Variants in MALRD1 observed in about 807,000 individuals in gnomAD.
MALRD1 encodes MAM and LDL-receptor class A domain-containing protein 1.
Under a neutral mutation model 242.1 loss-of-function variants are expected in MALRD1, and 247 were observed. That is an observed-to-expected ratio of 1.02 (90% confidence interval 0.92 to 1.13). The LOEUF (loss-of-function observed/expected upper bound fraction) is 1.13. MALRD1 is among the 50% of genes most tolerant of loss of function. The probability of loss-of-function intolerance (pLI) is 0.00; values close to 1 mark genes in which losing one functional copy is unlikely to be tolerated. For missense variants in MALRD1, 2,989 were observed against 2,533.1 expected (o/e 1.18, Z -3.86); for synonymous variants, 995 against 866.6 (o/e 1.15, Z -2.60).
intron 31 of MALRD1, among the ~76,000 whole-genome samples, chr10:19,525,183 G>C (rs185355829): frequency 1.0e-3 from 152 of 151,534 alleles, no homozygotes; most frequent in Middle Eastern, 6.8e-3. Context: ...CCAAAGTGCT[G>C]AGATTACAGG....
chr10:19,355,304 C>A (rs1226324187), intron 26 of MALRD1, among the ~76,000 whole-genome samples: 1 of 151,526 alleles, frequency 6.6e-6, no homozygotes. Flanking sequence ...AATTTTTTCT[C>A]AAAATGAACC....
chr10:19,559,166 G>A (rs920960172), intron 32 of MALRD1, among the ~76,000 whole-genome samples: 2 of 151,856 alleles, frequency 1.3e-5, no homozygotes, highest in Non-Finnish European at 2.9e-5. Flanking sequence ...CTGGGTGACA[G>A]AACAAGACTC....
intron 14 of MALRD1, among the ~76,000 whole-genome samples, chr10:19,193,756 T>G (rs1360556495): frequency 1.3e-5 from 2 of 152,034 alleles, no homozygotes; most frequent in African/African-American, 4.8e-5. Context: ...GCTTAAAATA[T>G]TCATATTTTG....
At chr10:19,297,848 T>C (rs1841778011) in intron 21 of MALRD1, among the ~76,000 whole-genome samples, 1 of 151,852 alleles carries the variant, frequency 6.6e-6, no homozygotes, top group Non-Finnish European at 1.5e-5. Flanking sequence ...AAAGGCATTA[T>C]GGGAAAGGTA....
chr10:19,508,657 G>A (rs1833255989), intron 31 of MALRD1, among the ~76,000 whole-genome samples: 1 of 152,106 alleles, frequency 6.6e-6, no homozygotes, highest in Non-Finnish European at 1.5e-5. Flanking sequence ...TATTATACTA[G>A]GAGGTTGTAT....
chr10:19,301,672 T>C (rs1841955562), intron 21 of MALRD1, among the ~76,000 whole-genome samples: 1 of 151,630 alleles, frequency 6.6e-6, no homozygotes, highest in African/African-American at 2.4e-5. Flanking sequence ...TGAGTACACA[T>C]GGACACAAAG....
rs138011129 is a variant in MALRD1, at chr10:19,674,678, A to G, written c.6138-17604A>G. ...ACATTTGAAAGGAAAAATTTTTCAG[A>G]CTTCCTATGAAAAGAGGAGAAAAAT... On this transcript the variant is annotated intron_variant, in intron 36 of 39. Transcript: ENST00000454679. Among the ~76,000 whole-genome samples the G allele has an allele frequency of 1.9e-3, 295 of 152,320 alleles. 1 individual carries two copies. Among genetic ancestry groups the G allele is most frequent in the Middle Eastern group, 0.01 (3 of 294 alleles).
At chr10:19,528,506 C>T (rs1226065525) in intron 31 of MALRD1, among the ~76,000 whole-genome samples, 1 of 152,050 alleles carries the variant, frequency 6.6e-6, no homozygotes, top group African/African-American at 2.4e-5. Context: ...GGCAGGAGAA[C>T]CGCTTGAACC....
chr10:19,687,425 C>T (rs1399241917), intron 36 of MALRD1, among the ~76,000 whole-genome samples: 1 of 152,138 alleles, frequency 6.6e-6, no homozygotes, highest in Non-Finnish European at 1.5e-5. Context: ...ACCCACCCAC[C>T]AACCCACTTA....
chr10:19,171,794 A>T (rs1235323369), intron 13 of MALRD1, among the ~76,000 whole-genome samples: 2 of 144,462 alleles, frequency 1.4e-5, no homozygotes, highest in Non-Finnish European at 3.0e-5. Context: ...ATATATACAT[A>T]TATGTGTATA....
At chr10:19,605,135 T>C (rs1435855484) in intron 34 of MALRD1, among the ~76,000 whole-genome samples, 1 of 150,508 alleles carries the variant, frequency 6.6e-6, no homozygotes, top group Admixed American at 6.7e-5. Flanking sequence ...TACCATTTGA[T>C]TACAGATTTA....
intron 24 of MALRD1, among the ~76,000 whole-genome samples, chr10:19,340,389 G>T (rs1209757958): frequency 1.3e-5 from 2 of 149,990 alleles, no homozygotes; most frequent in African/African-American, 4.9e-5. Context: ...AAGGTTCTGT[G>T]ATTCGGGTTG....
In MALRD1 at chr10:19,352,221, T is replaced by C; in HGVS notation, c.4365T>C (p.Asp1455=). Residue 1455 remains aspartate (D), a synonymous_variant, in exon 26 of 40, where the codon GAT becomes GAC. Transcript: ENST00000454679. ...GTCAGCGTGGAGACATTGCACTTGA[T>C]GACATTGTGCTTACAGAAAATTGTC... is the stretch of plus-strand genomic sequence containing the variant. ...GKGQRGDIAL[D]DIVLTENCLS... The C allele has an allele frequency of 1.3e-6, 2 of 1,550,448 alleles. No homozygotes were observed. The highest frequency in any genetic ancestry group is 1.7e-6 in the Non-Finnish European group (2 of 1,146,896).
At chr10:19,132,252 G>A (rs1360244989) in intron 8 of MALRD1, among the ~76,000 whole-genome samples, 3 of 152,214 alleles carry the variant, frequency 2.0e-5, no homozygotes, top group African/African-American at 7.2e-5. Flanking sequence ...AAGCATCTGT[G>A]TAGGGTGATG....
rs112316597 is a variant in MALRD1, at chr10:19,082,293, T to A, written c.341-5547T>A. Among the ~76,000 whole-genome samples the A allele has an allele frequency of 5.6e-3, 849 of 151,968 alleles. 14 individuals carry two copies. Among genetic ancestry groups the A allele is most frequent in the African/African-American group, 0.019 (798 of 41,524 alleles). On this transcript the variant is annotated intron_variant, in intron 2 of 39. Coordinates refer to ENST00000454679, the MANE Select transcript of MALRD1 (RefSeq NM_001142308.3). ...TTAATAATATACAAAAAATTTGATC[T>A]TATATAGTTCTGTTCACTTCTTCTT...
rs189119771 is a variant in MALRD1, at chr10:19,552,541, G to A, written c.5479-14961G>A. Among the ~76,000 whole-genome samples, 4 of 151,446 alleles carry A rather than the reference G, an allele frequency of 2.6e-5. No individual in the cohort carries two copies. In the East Asian group the frequency reaches 5.8e-4, roughly 22 times the overall value. Reference sequence around the variant, plus strand: ...AGTGCCAGCGCCTGGATTTGTTGATGTTTTGAATTTTTGTGTGTGTGTGTG... The same window carrying A: ...AGTGCCAGCGCCTGGATTTGTTGATATTTTGAATTTTTGTGTGTGTGTGTG... On this transcript the variant is annotated intron_variant, in intron 32 of 39. Transcript: ENST00000454679.
intron 26 of MALRD1, among the ~76,000 whole-genome samples, chr10:19,382,581 A>G (rs1380356919): frequency 2.0e-5 from 3 of 152,172 alleles, no homozygotes; most frequent in Admixed American, 2.0e-4. Flanking sequence ...TATGTAATAT[A>G]GGACTGTAGA....
intron 33 of MALRD1, among the ~76,000 whole-genome samples, chr10:19,576,964 GTTTTT>G (rs11331552): frequency 8.1e-6 from 1 of 123,412 alleles, no homozygotes; most frequent in Non-Finnish European, 1.7e-5. Flanking sequence ...CCACATTGTC[GTTTTT>G]TTTTTTTTTT....
At chr10:19,394,322 G>A (rs573857307) in intron 28 of MALRD1, among the ~76,000 whole-genome samples, 1 of 152,062 alleles carries the variant, frequency 6.6e-6, no homozygotes, top group African/African-American at 2.4e-5. Flanking sequence ...AGCTCACATG[G>A]TATTTTAAGA....
Sources: gnomAD v4.1 joint callset for allele counts (sites outside exome capture counted in the v4.1 genomes callset) on GRCh38, gnomAD v4.1.1 for gene constraint, MANE v1.5 for transcripts, NCBI Gene and HGNC (gene_info 2026-07-23, HGNC 2026-07-21) for gene names.